Variants in ADGRV1 observed in about 807,000 individuals in gnomAD.
The protein encoded by ADGRV1 is adhesion G protein-coupled receptor V1, also known as G-protein coupled receptor 98.
Under a neutral mutation model 596.2 loss-of-function variants are expected in ADGRV1, and 359 were observed. The ratio of observed to expected loss-of-function variants is 0.60; its 90% CI spans 0.55 to 0.66. The LOEUF is 0.66. Among genes scored for constraint, ADGRV1 ranks in the 30% least tolerant of loss-of-function variants. The pLI, the probability that ADGRV1 is intolerant of heterozygous loss-of-function variation, is 0.00. For missense variants in ADGRV1, 7,274 were observed against 7,575.6 expected, an observed-to-expected ratio of 0.96 and a Z score of 1.48; for synonymous variants, 2,681 against 2,679.2, an observed-to-expected ratio of 1.00 and a Z score of -0.02.
At chr5:90,796,789 C>T (rs1021448935) in intron 70 of ADGRV1, among the ~76,000 whole-genome samples, 3 of 152,188 alleles carry the variant, frequency 2.0e-5, no homozygotes, top group Admixed American at 6.5e-5. Flanking sequence ...ACAAACCCTA[C>T]AAGCCAGAAG....
intron 86 of ADGRV1, among the ~76,000 whole-genome samples, chr5:91,079,861 G>A (rs1789184930): frequency 6.6e-6 from 1 of 152,154 alleles, no homozygotes; most frequent in African/African-American, 2.4e-5. Context: ...AGGGCATAGA[G>A]CATGGATATG....
chr5:90,975,464 G>A (rs1424919080), intron 84 of ADGRV1, among the ~76,000 whole-genome samples: 1 of 152,120 alleles, frequency 6.6e-6, no homozygotes, highest in Non-Finnish European at 1.5e-5. Flanking sequence ...ATGTCCATCA[G>A]TGATAGACTG....
chr5:90,770,224 TG>T (rs1757546533), intron 59 of ADGRV1, among the ~76,000 whole-genome samples: 2 of 152,080 alleles, frequency 1.3e-5, no homozygotes, highest in African/African-American at 4.8e-5. Context: ...AGAGAGCGTG[TG>T]TAGGGGAATG....
chr5:90,675,437 G>T lies in ADGRV1; in HGVS notation c.5305G>T (p.Asp1769Tyr). ...GTCCTTGACAGCATTCAGTCCTGAG[G>T]ATTACCAGGTAATTTACTCAGTCCT... ...TVSLTAFSPE[D>Y]YQNVAGTLEF... Residue 1769 changes from aspartate (D) to tyrosine (Y), a missense_variant, in exon 24 of 90, where the codon GAT (aspartate) becomes TAT (tyrosine). By Grantham distance (160) the Asp-to-Tyr change is radical. This residue lies in a region of ADGRV1 where 3,643 missense variants were observed against 3,809.2 expected (regional missense o/e 0.96). Transcript: ENST00000405460. 1.2e-6 allele frequency: 2 copies of T among 1,612,696 alleles called. No homozygotes were observed. Among genetic ancestry groups the T allele is most frequent in the Non-Finnish European group, 1.7e-6 (2 of 1,179,266 alleles).
rs752282559 is a variant in ADGRV1 at position 90,811,174 on chromosome 5, A to G, written c.15914A>G (p.Asp5305Gly). 1.1e-5 allele frequency: 17 copies of G among 1,613,746 alleles called. No homozygotes were observed. The highest frequency in any genetic ancestry group is 1.4e-5 in the Non-Finnish European group (16 of 1,179,814). ...EEQTLTLIFLDGERERKVSVQ... is the reference protein window; with the variant it reads ...EEQTLTLIFLGGERERKVSVQ... ...CAAACTCTTACCCTTATATTCCTAG[A>G]TGGAGAAAGAGAACGTAAAGTATCA... is the stretch of plus-strand genomic sequence containing the variant. The change falls in exon 74 of 90, where the codon GAT becomes GGT. Residue 5305 changes from aspartate to glycine, a missense_variant. Asp to Gly is a moderately conservative substitution (Grantham distance 94). Transcript: ENST00000405460.
intron 84 of ADGRV1, among the ~76,000 whole-genome samples, chr5:90,971,212 A>T (rs550941876): frequency 6.6e-6 from 1 of 152,340 alleles, no homozygotes; most frequent in South Asian, 2.1e-4. Context: ...AAAAGACCAA[A>T]TCTACGTCTG....
At chr5:91,034,354 G>A (rs1784705513) in intron 85 of ADGRV1, among the ~76,000 whole-genome samples, 1 of 152,162 alleles carries the variant, frequency 6.6e-6, no homozygotes, top group African/African-American at 2.4e-5. Flanking sequence ...TCACTGGTTA[G>A]ACTGAACAAA....
intron 20 of ADGRV1, 148 bp from the exon 21 acceptor site, chr5:90,657,757 A>G: frequency 1.7e-6 from 1 of 601,714 alleles, no homozygotes; most frequent in Non-Finnish European, 2.6e-6. Context: ...AGAAGATAAT[A>G]TCCAATTCAT....
Position 91,025,841 on chromosome 5 carries a change from G to A in ADGRV1, c.18152+40319G>A, listed in dbSNP as rs528512027. 3.9e-5 allele frequency among the ~76,000 whole-genome samples: 6 copies of A among 152,276 alleles called. No individual in the cohort carries two copies. The South Asian group carries it at 1.2e-3, about 32-fold the overall frequency. The stretch of plus-strand genomic sequence containing the variant: ...TCAATCCAGAAACTATGAATATACT[G>A]TTAAGAATAAGCTTGGCAGGTGAGC... On this transcript the variant is annotated intron_variant, in intron 85 of 89. Coordinates refer to ENST00000405460, the MANE Select transcript of ADGRV1 (RefSeq NM_032119.4).
chr5:90,632,446 A>G (rs780545479), intron 9 of ADGRV1, among the ~76,000 whole-genome samples: 4 of 152,168 alleles, frequency 2.6e-5, no homozygotes, highest in Admixed American at 6.5e-5. Flanking sequence ...TTTACTGTGG[A>G]TAAGGACAGT....
intron 77 of ADGRV1, among the ~76,000 whole-genome samples, chr5:90,838,671 A>T (rs1353537609): frequency 6.6e-6 from 1 of 152,118 alleles, no homozygotes; most frequent in African/African-American, 2.4e-5. Flanking sequence ...TTACCCATTC[A>T]TCTAGGCAAG....
rs2149383774 is a variant in ADGRV1, at chr5:90,629,434, A to AAGGAGAAATG, written c.1736_1745dup (p.Asp582GlufsTer4). On this transcript the variant is annotated frameshift_variant, in exon 9 of 90. Coordinates refer to ENST00000405460, the MANE Select transcript of ADGRV1 (RefSeq NM_032119.4). LOFTEE classifies it high-confidence loss of function. ...CAAAAGAAGGCATCTTAAATATATC[A>AAGGAGAAATG]AGGAGAAATGACCTCATTTTTCCAG... is the stretch of plus-strand genomic sequence containing the variant. The AAGGAGAAATG allele has an allele frequency of 6.2e-7, 1 of 1,613,726 alleles. No individual in the cohort carries two copies. Among genetic ancestry groups the AAGGAGAAATG allele is most frequent in the Non-Finnish European group, 8.5e-7 (1 of 1,179,784 alleles).
At chr5:90,601,937 C>A (rs961574089) in intron 1 of ADGRV1, among the ~76,000 whole-genome samples, 10 of 152,148 alleles carry the variant, frequency 6.6e-5, no homozygotes, top group Non-Finnish European at 1.3e-4. Flanking sequence ...TAAGGGTATA[C>A]AGGCATCACT....
chr5:91,063,364 C>T (rs1284659645), intron 85 of ADGRV1, among the ~76,000 whole-genome samples: 1 of 152,142 alleles, frequency 6.6e-6, no homozygotes, highest in African/African-American at 2.4e-5. Context: ...CAAAATATCT[C>T]GCTTTTATTA....
chr5:91,102,589 G>A (rs1490722383), intron 87 of ADGRV1, among the ~76,000 whole-genome samples: 2 of 152,196 alleles, frequency 1.3e-5, no homozygotes, highest in East Asian at 1.9e-4. Flanking sequence ...TTTGAACATC[G>A]AAGTAACTAC....
chr5:90,621,698 C>A (rs751512252), intron 4 of ADGRV1, among the ~76,000 whole-genome samples: 1 of 152,018 alleles, frequency 6.6e-6, no homozygotes, highest in African/African-American at 2.4e-5. Context: ...TGGTGGGGGT[C>A]TCAGTGCTGC....
chr5:90,751,438 TC>T (rs1755240821), intron 53 of ADGRV1, among the ~76,000 whole-genome samples: 1 of 152,118 alleles, frequency 6.6e-6, no homozygotes, highest in Non-Finnish European at 1.5e-5. Context: ...AACCTGTTGT[TC>T]CTAGCAGCCG....
chr5:90,772,850 A>G (rs1757836006), intron 59 of ADGRV1, among the ~76,000 whole-genome samples: 1 of 152,184 alleles, frequency 6.6e-6, no homozygotes, highest in Non-Finnish European at 1.5e-5. Context: ...AAGGCAAACA[A>G]TGGAATCCCC....
intron 38 of ADGRV1, among the ~76,000 whole-genome samples, chr5:90,707,882 G>C (rs1241389797): frequency 2.6e-5 from 4 of 152,058 alleles, no homozygotes; most frequent in Non-Finnish European, 4.4e-5. Flanking sequence ...AGCTGCCCTG[G>C]GGAGTGGTAG....
Sources: gnomAD v4.1 joint callset for allele counts (sites outside exome capture counted in the v4.1 genomes callset) on GRCh38, gnomAD v4.1.1 for gene constraint, gnomAD v4.1.1 regional missense constraint, MANE v1.5 for transcripts, NCBI Gene and HGNC (gene_info 2026-07-23, HGNC 2026-07-21) for gene names.